The following PCNX1 variants were observed in gnomAD, a reference collection of about 807,000 sequenced individuals.
PCNX1 encodes the protein pecanex 1, also known as pecanex-like protein 1.
A neutral mutation model predicts 242.2 loss-of-function variants in PCNX1; 78 were observed. That is an observed-to-expected ratio of 0.32 (90% CI 0.27 to 0.39). The LOEUF (loss-of-function observed/expected upper bound fraction) is 0.39. Among genes scored for constraint, PCNX1 ranks in the 10% least tolerant of loss-of-function variants. The probability of loss-of-function intolerance (pLI) is 1.00; values close to 1 mark genes in which losing one functional copy is unlikely to be tolerated. For synonymous variants in PCNX1, 1,024 were observed against 1,032.9 expected (o/e 0.99, Z 0.17); for missense variants, 2,581 against 2,856.5 (o/e 0.90, Z 2.20).
At chr14:71,067,257 T>C (rs2061470982) in intron 26 of PCNX1, among the ~76,000 whole-genome samples, 1 of 152,186 alleles carries the variant, frequency 6.6e-6, no homozygotes. Context: ...TCTCTTTGGT[T>C]GGTAGGCTAT....
chr14:71,040,525 CGTT>C (rs1357041767), intron 19 of PCNX1, among the ~76,000 whole-genome samples: 3 of 151,944 alleles, frequency 2.0e-5, no homozygotes, highest in African/African-American at 7.3e-5. Context: ...TTCCTCTAAA[CGTT>C]CTTCATTTTT....
At chr14:71,050,549 A>C (rs139474365) in intron 22 of PCNX1, 103 bp from the exon 23 acceptor site, 2 of 1,015,428 alleles carry the variant, frequency 2.0e-6, no homozygotes, top group African/African-American at 3.3e-5. Context: ...TTTCCCTATT[A>C]GGAGAACTTC....
intron 33 of PCNX1, among the ~76,000 whole-genome samples, chr14:71,106,055 T>C (rs771752739): frequency 1.3e-5 from 2 of 152,078 alleles, no homozygotes; most frequent in Middle Eastern, 3.4e-3. Context: ...ACTCTGTTGC[T>C]CAGGCTGGAG....
At chr14:71,034,154 T>G (rs543565884) in intron 18 of PCNX1, 118 bp downstream of exon 18, 9 of 600,932 alleles carry the variant, frequency 1.5e-5, no homozygotes, top group Non-Finnish European at 2.4e-5. Flanking sequence ...TAATTATAAT[T>G]TATAGGATTA....
chr14:70,916,887 A>G lies in PCNX1; in HGVS notation c.153+8884A>G, dbSNP rs1470823942. Among the ~76,000 whole-genome samples, 3 of 152,340 alleles carry G rather than the reference A, an allele frequency of 2.0e-5. No individual in the cohort carries two copies. The East Asian group carries it at 5.8e-4, about 29-fold the overall frequency. ...TTTACCCACAGTAAAACTTCTTTCA[A>G]AATTAGAGTCAGCTGTCTCAAATCC... On this transcript the variant is annotated intron_variant, in intron 1 of 35. Transcript: ENST00000304743.
chr14:71,080,833 C>G (rs974303193), intron 28 of PCNX1, among the ~76,000 whole-genome samples: 1 of 152,188 alleles, frequency 6.6e-6, no homozygotes, highest in Non-Finnish European at 1.5e-5. Flanking sequence ...ATTTGACTTC[C>G]TCTCTTCCTA....
At chr14:70,961,169 G>A (rs1169923835) in intron 2 of PCNX1, among the ~76,000 whole-genome samples, 1 of 151,986 alleles carries the variant, frequency 6.6e-6, no homozygotes, top group South Asian at 2.1e-4. Flanking sequence ...AAACTACTTT[G>A]AAGTTCATAT....
chr14:71,066,488 T>A (rs2141339733), intron 26 of PCNX1, among the ~76,000 whole-genome samples: 1 of 152,366 alleles, frequency 6.6e-6, no homozygotes, highest in South Asian at 2.1e-4. Flanking sequence ...AAGTTGCTTA[T>A]CAGCTTAAGG....
chr14:71,028,007 C>T (rs888584131), intron 15 of PCNX1, among the ~76,000 whole-genome samples: 1 of 151,758 alleles, frequency 6.6e-6, no homozygotes, highest in Non-Finnish European at 1.5e-5. Flanking sequence ...CTGTAGATTT[C>T]TTTTATTATT....
intron 2 of PCNX1, among the ~76,000 whole-genome samples, chr14:70,948,879 A>G (rs1314156655): frequency 1.3e-5 from 2 of 148,570 alleles, no homozygotes; most frequent in African/African-American, 4.9e-5. Context: ...ATATATAGAT[A>G]TGTGTATATA....
In PCNX1 at chr14:71,079,724, G is replaced by GT. The variant is rs1014456450; in HGVS notation, c.5337+3314dup. Among the ~76,000 whole-genome samples the GT allele has an allele frequency of 4.6e-3, 698 of 150,904 alleles. 11 individuals carry two copies. The highest frequency in any genetic ancestry group is 2.5e-3 in the South Asian group (12 of 4,752). ...TATCCTTGACCTACTTTTGGATCGG[G>GT]TTTTTTTTTCTTGTAAATTTAAATT... is the stretch of plus-strand genomic sequence containing the variant. On this transcript the variant is annotated intron_variant, in intron 28 of 35. Transcript: ENST00000304743.
chr14:70,916,202 A>G (rs1594884220), intron 1 of PCNX1, among the ~76,000 whole-genome samples: 1 of 152,190 alleles, frequency 6.6e-6, no homozygotes, highest in African/African-American at 2.4e-5. Context: ...TTTTGAAGGT[A>G]TCTTTGAGAT....
chr14:70,995,891 T>A lies in PCNX1; in HGVS notation c.2595T>A (p.Ser865=), dbSNP rs1566675371. The A allele has an allele frequency of 6.2e-7, 1 of 1,614,172 alleles. No individual in the cohort carries two copies. The highest frequency in any genetic ancestry group is 8.5e-7 in the Non-Finnish European group (1 of 1,179,980). Residue 865 remains serine, a synonymous_variant, in exon 8 of 36, where the codon TCT becomes TCA. Transcript: ENST00000304743. ...VHLEASHDNA[S]AVGGSSLHDE... Reference sequence around the variant, plus strand: ...TAGAAGCATCACATGACAATGCATCTGCTGTAGGCGGTAGCAGTTTGCACG... The same window carrying A: ...TAGAAGCATCACATGACAATGCATCAGCTGTAGGCGGTAGCAGTTTGCACG...
At chr14:71,106,434 T>C (rs2062623662) in intron 33 of PCNX1, among the ~76,000 whole-genome samples, 1 of 152,206 alleles carries the variant, frequency 6.6e-6, no homozygotes, top group Admixed American at 6.5e-5. Flanking sequence ...TATATAAGTC[T>C]TTATAATCAT....
At position 71,046,973 on chromosome 14, in the gene PCNX1, C is replaced by G. The variant is rs774675391; in HGVS notation, c.4028C>G (p.Thr1343Ser). The G allele has an allele frequency of 6.2e-7, 1 of 1,609,446 alleles. No homozygotes were observed. Among genetic ancestry groups the G allele is most frequent in the African/African-American group, 1.3e-5 (1 of 74,874 alleles). The part of the protein sequence containing the change: ...YNQYEVRNAA[T>S]MMWFEKLHVW... Reference sequence around the variant, plus strand: ...TATACTGCCTTGTTAGATGCAGCCACTATGATGTGGTTTGAGAAACTTCAT... The same window carrying G: ...TATACTGCCTTGTTAGATGCAGCCAGTATGATGTGGTTTGAGAAACTTCAT... The change falls in exon 21 of 36, where the codon ACT (threonine) becomes AGT (serine). Residue 1343 changes from threonine (T) to serine (S), a missense_variant. This residue lies in a region of PCNX1 where 432 missense variants were observed against 443.1 expected (regional missense o/e 0.97). Transcript: ENST00000304743.
At chr14:71,061,308 A>G (rs751840875) in intron 26 of PCNX1, among the ~76,000 whole-genome samples, 2 of 152,176 alleles carry the variant, frequency 1.3e-5, no homozygotes, top group Non-Finnish European at 2.9e-5. Flanking sequence ...GAAGTCTTGA[A>G]TGACCCAGCT....
chr14:70,981,160 A>G (rs753497201), intron 6 of PCNX1, among the ~76,000 whole-genome samples: 1 of 152,144 alleles, frequency 6.6e-6, no homozygotes, highest in Non-Finnish European at 1.5e-5. Context: ...TATCTATCTC[A>G]TAGGGTTGTT....
At chr14:71,016,072 C>T (rs942994882) in intron 11 of PCNX1, among the ~76,000 whole-genome samples, 2 of 152,026 alleles carry the variant, frequency 1.3e-5, no homozygotes, top group African/African-American at 4.8e-5. Flanking sequence ...AAAAGATATA[C>T]CATGCTAACA....
At position 71,055,559 on chromosome 14, in the gene PCNX1, C is replaced by T. The variant is rs770969539; in HGVS notation, c.4633C>T (p.Pro1545Ser). 5.0e-6 allele frequency: 8 copies of T among 1,591,026 alleles called. No individual in the cohort carries two copies. Among genetic ancestry groups the T allele is most frequent in the Non-Finnish European group, 6.9e-6 (8 of 1,159,948 alleles). Reference sequence around the variant, plus strand: ...ATTGGCTTCCCAGCTTGATAGAAATCCAGGTAATAGCTCTATTTGTGACTA... The same window carrying T: ...ATTGGCTTCCCAGCTTGATAGAAATTCAGGTAATAGCTCTATTTGTGACTA... ...TRLASQLDRN[P>S]GSDDNNLNSI... The change falls in exon 25 of 36, where the codon CCA becomes TCA. Residue 1545 changes from proline (P) to serine (S), a missense_variant. Pro to Ser is a moderately conservative substitution (Grantham distance 74). Around this residue, in one of 9 missense-constraint regions of PCNX1, gnomAD observed 99 missense variants for 147.3 expected, o/e 0.67. Coordinates refer to ENST00000304743, the MANE Select transcript of PCNX1 (RefSeq NM_014982.3).
Sources: gnomAD v4.1 joint callset for allele counts (sites outside exome capture counted in the v4.1 genomes callset) on GRCh38, gnomAD v4.1.1 for gene constraint, gnomAD v4.1.1 regional missense constraint, MANE v1.5 for transcripts, NCBI Gene and HGNC (gene_info 2026-07-23, HGNC 2026-07-21) for gene names.